DCHS2: variants seen among roughly 807,000 people sequenced by gnomAD.
DCHS2 encodes the protein protocadherin-23.
In DCHS2, 142 loss-of-function variants were observed where a neutral mutation model predicts 182.4. That is an observed-to-expected ratio of 0.78 (90% confidence interval 0.68 to 0.89). The LOEUF (loss-of-function observed/expected upper bound fraction) is 0.89. Among genes scored for constraint, DCHS2 ranks in the 40% least tolerant of loss-of-function variants. DCHS2 has a pLI of 0.00. For synonymous variants in DCHS2, 1,740 were observed against 1,663.3 expected, an observed-to-expected ratio of 1.05 and a Z score of -1.12; for missense variants, 4,319 against 4,198.6, an observed-to-expected ratio of 1.03 and a Z score of -0.79.
Position 154,490,846 on chromosome 4 carries a change from G to C in DCHS2, c.510C>G (p.Asp170Glu), listed in dbSNP as rs556210008. The C allele has an allele frequency of 1.1e-4, 171 of 1,551,662 alleles. 2 individuals are homozygous for C. In the Admixed American group the frequency reaches 3.3e-3, roughly 30 times the overall value. ...VNDHSPRFPL[D>E]SLQLDVSELS... ...GCTCGGAGACGTCGAGTTGCAGGGA[G>C]TCGAGGGGAAAGCGGGGCGAGTGGT... The change falls in exon 1 of 20, where the codon GAC becomes GAG. Residue 170 changes from aspartate to glutamate, a missense_variant. Transcript: ENST00000357232.
intron 16 of DCHS2, among the ~76,000 whole-genome samples, chr4:154,245,505 T>A (rs1054604312): frequency 6.6e-6 from 1 of 152,190 alleles, no homozygotes; most frequent in South Asian, 2.1e-4. Flanking sequence ...TTCAAAACTC[T>A]CAATTATATC....
chr4:154,384,790 G>A lies in DCHS2; in HGVS notation c.2053-7346C>T, dbSNP rs564925968. ...CACCGACAGCCACCAGAAGCTGGAG[G>A]AGATAAAGAATGGATTGACCCCAGA... On this transcript the variant is annotated intron_variant, in intron 1 of 19. Transcript: ENST00000357232. Among the ~76,000 whole-genome samples, 13 of 152,184 alleles carry A rather than the reference G, an allele frequency of 8.5e-5. No homozygotes were observed. In the South Asian group the frequency reaches 2.1e-3, roughly 24 times the overall value.
At chr4:154,428,400 G>A (rs1310861060) in intron 1 of DCHS2, among the ~76,000 whole-genome samples, 4 of 151,768 alleles carry the variant, frequency 2.6e-5, no homozygotes, top group African/African-American at 7.3e-5. Context: ...TTAGCCAGGC[G>A]TGGTGGTATG....
chr4:154,314,655 G>A (rs1735787822), intron 10 of DCHS2, among the ~76,000 whole-genome samples: 1 of 152,046 alleles, frequency 6.6e-6, no homozygotes, highest in African/African-American at 2.4e-5. Flanking sequence ...AATTAACAAT[G>A]TACAAGGAAA....
At chr4:154,266,442 G>A (rs1041044833) in intron 14 of DCHS2, among the ~76,000 whole-genome samples, 2 of 152,048 alleles carry the variant, frequency 1.3e-5, no homozygotes, top group Non-Finnish European at 1.5e-5. Flanking sequence ...GGATCACGAG[G>A]ACAGGAGATC....
intron 14 of DCHS2, chr4:154,269,468 C>A (rs989692854): frequency 1.8e-5 from 3 of 166,568 alleles, no homozygotes; most frequent in Admixed American, 6.4e-5. Context: ...GTGTAGAAAC[C>A]TTCACAGCTG....
rs1171000008 is a variant in DCHS2, at chr4:154,489,756, C to T, written c.1600G>A (p.Asp534Asn). Residue 534 changes from aspartate to asparagine, a missense_variant, in exon 1 of 20, where the codon GAC becomes AAC. Asp to Asn is a conservative substitution (Grantham distance 23, BLOSUM62 1). Transcript: ENST00000357232. ...TLLLRVADLNDQPPLFSQQHY... is the reference protein window; with the variant it reads ...TLLLRVADLNNQPPLFSQQHY... ...TGTTGGCTGAAGAGAGGTGGTTGGT[C>T]ATTGAGGTCAGCGACCCGGAGTAGC... 2.6e-6 allele frequency: 4 copies of T among 1,551,630 alleles called. No homozygotes were observed. The highest frequency in any genetic ancestry group is 4.9e-5 in the East Asian group (2 of 40,886).
intron 1 of DCHS2, among the ~76,000 whole-genome samples, chr4:154,464,400 A>G: frequency 6.6e-6 from 1 of 152,212 alleles, no homozygotes; most frequent in East Asian, 1.9e-4. Context: ...CTCCAATTAC[A>G]ACCAGAGATC....
At chr4:154,488,010 C>T (rs537708702) in intron 1 of DCHS2, among the ~76,000 whole-genome samples, 1 of 152,072 alleles carries the variant, frequency 6.6e-6, no homozygotes, top group South Asian at 2.1e-4. Flanking sequence ...GGACCTCGTC[C>T]CTACACATTA....
Position 154,304,773 on chromosome 4 carries a change from T to C in DCHS2, c.5501A>G (p.Tyr1834Cys), listed in dbSNP as rs747052115. Residue 1834 changes from tyrosine (Y) to cysteine (C), a missense_variant, in exon 12 of 20, where the codon TAT (tyrosine) becomes TGT (cysteine). Transcript: ENST00000357232. Reference sequence around the variant, plus strand: ...CTGGTTTTCCAGAACCTCAATGTCATAACTGGAAACAATAAACTCTGGTGC... The same window carrying C: ...CTGGTTTTCCAGAACCTCAATGTCACAACTGGAAACAATAAACTCTGGTGC... Reference protein sequence around the residue: ...DHAPEFIVSSYDIEVLENQEP... With the variant: ...DHAPEFIVSSCDIEVLENQEP... The C allele has an allele frequency of 3.7e-6, 6 of 1,613,912 alleles. No individual in the cohort carries two copies. The highest frequency in any genetic ancestry group is 5.1e-6 in the Non-Finnish European group (6 of 1,179,962).
chr4:154,320,177 G>T (rs1301914875), intron 9 of DCHS2, among the ~76,000 whole-genome samples: 1 of 152,142 alleles, frequency 6.6e-6, no homozygotes, highest in Non-Finnish European at 1.5e-5. Context: ...GATTGTCAGA[G>T]GCTGGATGGA....
intron 5 of DCHS2, among the ~76,000 whole-genome samples, 184 bp downstream of exon 5, chr4:154,332,294 C>T (rs1377548639): frequency 1.3e-5 from 2 of 152,162 alleles, no homozygotes; most frequent in Non-Finnish European, 2.9e-5. Context: ...ATAGAGTAAT[C>T]GAATACCTTA....
At chr4:154,384,918 TATTTTTA>T (rs1268883839) in intron 1 of DCHS2, among the ~76,000 whole-genome samples, 1 of 140,922 alleles carries the variant, frequency 7.1e-6, no homozygotes, top group Non-Finnish European at 1.7e-5. Context: ...AAATGTTTTT[TATTTTTA>T]TTTTTATTTT....
At chr4:154,352,718 A>T (rs1729677626) in intron 3 of DCHS2, among the ~76,000 whole-genome samples, 1 of 152,234 alleles carries the variant, frequency 6.6e-6, no homozygotes, top group South Asian at 2.1e-4. Flanking sequence ...CAATAAATTG[A>T]CAATAAAGAA....
In DCHS2 at chr4:154,246,945, A is replaced by T. The variant is rs1399046412; in HGVS notation, c.6942-4173T>A. Among the ~76,000 whole-genome samples, 5 of 152,162 alleles carry T rather than the reference A, an allele frequency of 3.3e-5. No individual in the cohort carries two copies. The East Asian group carries it at 9.6e-4, about 29-fold the overall frequency. ...TAATTGAATAGGATTCAGGAAAATG[A>T]AACAGGGCAAAACAACAAAACAAAA... is the stretch of plus-strand genomic sequence containing the variant. On this transcript the variant is annotated intron_variant, in intron 16 of 19. Coordinates refer to ENST00000357232, the MANE Select transcript of DCHS2 (RefSeq NM_001358235.2).
At chr4:154,323,496 T>G (rs1475136430) in intron 7 of DCHS2, among the ~76,000 whole-genome samples, 1 of 152,210 alleles carries the variant, frequency 6.6e-6, no homozygotes, top group Admixed American at 6.5e-5. Flanking sequence ...GCTAGTTATT[T>G]TTGATGTTGG....
chr4:154,238,882 G>A (rs1272224263), intron 19 of DCHS2, among the ~76,000 whole-genome samples: 1 of 151,996 alleles, frequency 6.6e-6, no homozygotes, highest in Non-Finnish European at 1.5e-5. Context: ...TTGGTTGGAC[G>A]GATGCAACTG....
chr4:154,398,858 G>C (rs1051241189), intron 1 of DCHS2, among the ~76,000 whole-genome samples: 3 of 152,164 alleles, frequency 2.0e-5, no homozygotes, highest in Non-Finnish European at 4.4e-5. Flanking sequence ...CTACTAAATA[G>C]AGGATTACAG....
At chr4:154,265,802 C>A (rs1257976570) in intron 14 of DCHS2, among the ~76,000 whole-genome samples, 1 of 151,902 alleles carries the variant, frequency 6.6e-6, no homozygotes, top group Admixed American at 6.6e-5. Flanking sequence ...AAGGAAGGGG[C>A]ACACAGAGGC....
Sources: allele counts gnomAD v4.1 joint callset (sites outside exome capture counted in the v4.1 genomes callset), GRCh38; gene constraint gnomAD v4.1.1; transcripts MANE v1.5; gene names NCBI Gene and HGNC (gene_info 2026-07-23, HGNC 2026-07-21).